RUFY1: variants seen among roughly 807,000 people sequenced by gnomAD.
The protein encoded by RUFY1 is RUN and FYVE domain containing 1.
Under a neutral mutation model 94.6 loss-of-function variants are expected in RUFY1, and 54 were observed. The observed-to-expected ratio is 0.57, with a 90% confidence interval of 0.46 to 0.72. RUFY1 has a LOEUF of 0.72. Among genes scored for constraint, RUFY1 ranks in the 30% least tolerant of loss-of-function variants. The pLI is 0.00. For synonymous variants in RUFY1, 396 were observed against 347.3 expected (o/e 1.14, Z -1.56); for missense variants, 883 against 883.9 (o/e 1.00, Z 0.01).
intron 5 of RUFY1, among the ~76,000 whole-genome samples, chr5:179,573,832 T>C (rs1474735300): frequency 1.3e-5 from 2 of 152,150 alleles, no homozygotes; most frequent in African/African-American, 4.8e-5. Flanking sequence ...TACTTTGTGA[T>C]TTTTTAAGAG....
chr5:179,557,389 C>T (rs895711622), intron 1 of RUFY1, among the ~76,000 whole-genome samples: 3 of 152,140 alleles, frequency 2.0e-5, no homozygotes, highest in African/African-American at 7.2e-5. Context: ...AAGATCGTGC[C>T]ATTGCACTCC....
chr5:179,554,664 C>G (rs1321483634), intron 1 of RUFY1, among the ~76,000 whole-genome samples: 1 of 151,032 alleles, frequency 6.6e-6, no homozygotes, highest in East Asian at 2.0e-4. Flanking sequence ...TTTTAAAAAT[C>G]AAACCATACA....
intron 6 of RUFY1, among the ~76,000 whole-genome samples, chr5:179,579,114 C>A (rs562491380): frequency 6.6e-6 from 1 of 152,066 alleles, no homozygotes; most frequent in Non-Finnish European, 1.5e-5. Flanking sequence ...AATATTTCAC[C>A]TTGCGCATAT....
intron 16 of RUFY1, chr5:179,606,325 C>T (rs546980027): frequency 4.9e-4 from 104 of 211,242 alleles, no homozygotes; most frequent in African/African-American, 2.3e-3. Context: ...TGCTAGGGAC[C>T]ACTCAAGCCA....
At chr5:179,579,551 C>CA (rs1383096302) in intron 6 of RUFY1, among the ~76,000 whole-genome samples, 1 of 151,426 alleles carries the variant, frequency 6.6e-6, no homozygotes, top group Non-Finnish European at 1.5e-5. Flanking sequence ...AGGCTGATCT[C>CA]AAACTCCTGA....
At chr5:179,602,242 T>C (rs1291021313) in intron 15 of RUFY1, 1 of 455,984 alleles carries the variant, frequency 2.2e-6, no homozygotes, top group Non-Finnish European at 4.0e-6. Flanking sequence ...AGGACACTCC[T>C]ATTCCTTAGC....
intron 14 of RUFY1, chr5:179,599,682 C>T (rs185550130): frequency 9.4e-4 from 143 of 152,558 alleles, no homozygotes; most frequent in South Asian, 6.0e-3. Flanking sequence ...GGAGGCTCTG[C>T]GATCCTGGAT....
intron 2 of RUFY1, 66 bp downstream of exon 2, chr5:179,560,264 T>G: frequency 6.4e-7 from 1 of 1,554,462 alleles, no homozygotes; most frequent in African/African-American, 1.4e-5. Context: ...CATTTTTTCA[T>G]CAGCGCCAGA....
chr5:179,606,226 G>A (rs908342315), intron 16 of RUFY1: 12 of 458,556 alleles, frequency 2.6e-5, no homozygotes, highest in Middle Eastern at 6.0e-4. Flanking sequence ...GGAGGGACCC[G>A]CGGATATCTT....
intron 7 of RUFY1, among the ~76,000 whole-genome samples, chr5:179,581,438 ATTTTTTTTTTTT>A (rs763576066): frequency 8.6e-6 from 1 of 116,934 alleles, no homozygotes; most frequent in Non-Finnish European, 1.8e-5. Flanking sequence ...CTTTATCTTG[ATTTTTTTTTTTT>A]TTTTTTTTTG....
At chr5:179,580,788 C>T (rs1562024782) in intron 6 of RUFY1, among the ~76,000 whole-genome samples, 159 bp from the exon 7 acceptor site, 1 of 152,098 alleles carries the variant, frequency 6.6e-6, no homozygotes, top group African/African-American at 2.4e-5. Flanking sequence ...CTGGCTTTCT[C>T]TCTGTACTCT....
intron 1 of RUFY1, chr5:179,559,811 T>G: frequency 7.6e-7 from 1 of 1,321,782 alleles, no homozygotes; most frequent in Non-Finnish European, 9.6e-7. Context: ...CAGTGGCTCT[T>G]CTGACCCAAG....
chr5:179,596,813 A>G (rs1765698352), intron 13 of RUFY1, 132 bp downstream of exon 13: 1 of 1,128,908 alleles, frequency 8.9e-7, no homozygotes, highest in Non-Finnish European at 1.2e-6. Flanking sequence ...ATCCTGCTTC[A>G]CCACTCACCC....
At chr5:179,585,989 T>C in intron 8 of RUFY1, 124 bp downstream of exon 8, 1 of 737,876 alleles carries the variant, frequency 1.4e-6, no homozygotes, top group South Asian at 1.6e-5. Flanking sequence ...AGCCTCCAGC[T>C]ACCCCACGTG....
At position 179,550,702 on chromosome 5, in the gene RUFY1, C is replaced by T; in HGVS notation, c.133C>T (p.Pro45Ser). ...TGAGATCGTGGACCGAAGCCAGCTG[C>T]CCGGCCCAGGCGACCTGCGGAGCGC... ...EFEIVDRSQL[P>S]GPGDLRSATR... Residue 45 changes from proline to serine, a missense_variant, in exon 1 of 18, where the codon CCC (proline) becomes TCC (serine). Transcript: ENST00000319449. The T allele has an allele frequency of 6.7e-7, 1 of 1,493,548 alleles. No individual in the cohort carries two copies. The allele number at this position is 1,493,548 out of a possible 1,614,324, so 92.5% of individuals were successfully genotyped here. A position where few individuals can be genotyped will look rare whatever the true frequency, so the allele number is the denominator to read the frequency against.
intron 4 of RUFY1, 179 bp from the exon 5 acceptor site, chr5:179,569,123 G>A: frequency 1.0e-6 from 1 of 954,674 alleles, no homozygotes; most frequent in African/African-American, 2.0e-5. Flanking sequence ...AGGAAGAGAG[G>A]AGAGGACGGG....
chr5:179,560,725 CAAAAAAAA>C (rs68093858), intron 2 of RUFY1, among the ~76,000 whole-genome samples: 29 of 78,804 alleles, frequency 3.7e-4, no homozygotes, highest in Admixed American at 1.1e-3. Flanking sequence ...GACTCCGTCT[CAAAAAAAA>C]AAAAAAAAAA....
intron 6 of RUFY1, among the ~76,000 whole-genome samples, chr5:179,578,009 A>T (rs1170768351): frequency 1.3e-5 from 2 of 152,160 alleles, no homozygotes; most frequent in Non-Finnish European, 2.9e-5. Context: ...AATAGAGTGT[A>T]CAGGTGAAAT....
intron 6 of RUFY1, among the ~76,000 whole-genome samples, chr5:179,577,630 C>T (rs922445500): frequency 4.7e-5 from 1 of 21,332 alleles, no homozygotes; most frequent in African/African-American, 1.9e-4. Context: ...AGAGCAAATC[C>T]GGGGCTGGAG....
Sources: allele counts gnomAD v4.1 joint callset (sites outside exome capture counted in the v4.1 genomes callset), GRCh38; gene constraint gnomAD v4.1.1; transcripts MANE v1.5; gene names NCBI Gene and HGNC (gene_info 2026-07-23, HGNC 2026-07-21).